The following SLC35F1 variants were observed in gnomAD, a reference collection of about 807,000 sequenced individuals.
SLC35F1 encodes the protein chromosome 6 open reading frame 169.
In SLC35F1, 14 loss-of-function variants were observed where a neutral mutation model predicts 48.7. The observed-to-expected ratio is 0.29, with a 90% confidence interval of 0.19 to 0.45. The LOEUF is 0.45. SLC35F1 is among the 20% of genes least tolerant of loss of function. The pLI is 1.00. For missense variants in SLC35F1, 404 were observed against 500.0 expected (o/e 0.81, Z 1.83); for synonymous variants, 190 against 202.2 (o/e 0.94, Z 0.51).
intron 1 of SLC35F1, among the ~76,000 whole-genome samples, chr6:118,073,383 A>T (rs1772770120): frequency 6.6e-6 from 1 of 152,224 alleles, no homozygotes; most frequent in African/African-American, 2.4e-5. Context: ...TCATTTGTAA[A>T]TAGGGTATAC....
In SLC35F1 at chr6:117,975,967, C is replaced by T. The variant is rs151099226; in HGVS notation, c.173+68068C>T. Among the ~76,000 whole-genome samples the T allele has an allele frequency of 5.4e-3, 817 of 152,296 alleles. 6 individuals carry two copies. Among genetic ancestry groups the T allele is most frequent in the African/African-American group, 0.019 (775 of 41,550 alleles). ...CGTCCTCCACTGTGATAACTTCCCA[C>T]GCAGTGGCAGTAGTACAGAACATTC... On this transcript the variant is annotated intron_variant, in intron 1 of 7. Transcript: ENST00000360388.
intron 1 of SLC35F1, among the ~76,000 whole-genome samples, chr6:118,022,104 G>C (rs1777403190): frequency 6.6e-6 from 1 of 152,102 alleles, no homozygotes; most frequent in South Asian, 2.1e-4. Context: ...ATTGCAAATG[G>C]GCATACATAC....
At chr6:117,947,375 A>C (rs994040209) in intron 1 of SLC35F1, among the ~76,000 whole-genome samples, 3 of 152,158 alleles carry the variant, frequency 2.0e-5, no homozygotes, top group African/African-American at 7.2e-5. Context: ...TAATTGGAGA[A>C]GGGCCCCGCA....
chr6:117,940,157 G>T (rs1206517008), intron 1 of SLC35F1, among the ~76,000 whole-genome samples: 1 of 152,134 alleles, frequency 6.6e-6, no homozygotes, highest in African/African-American at 2.4e-5. Flanking sequence ...ATACATAAGG[G>T]TCAATAGCTC....
chr6:118,295,332 T>C (rs913725479), intron 7 of SLC35F1, among the ~76,000 whole-genome samples: 2 of 152,206 alleles, frequency 1.3e-5, no homozygotes, highest in African/African-American at 4.8e-5. Context: ...ACTTTTTATT[T>C]ATAAGTGAAG....
At chr6:118,013,278 T>C (rs957486414) in intron 1 of SLC35F1, among the ~76,000 whole-genome samples, 2 of 152,292 alleles carry the variant, frequency 1.3e-5, no homozygotes, top group African/African-American at 4.8e-5. Context: ...GCCAGTTTTC[T>C]GTGTATATGA....
chr6:118,021,994 C>G (rs1777401936), intron 1 of SLC35F1, among the ~76,000 whole-genome samples: 1 of 152,158 alleles, frequency 6.6e-6, no homozygotes, highest in Non-Finnish European at 1.5e-5. Context: ...TGTCAAACTT[C>G]TGCCACATTT....
In SLC35F1 at chr6:118,314,377, A is replaced by C. The variant is rs1267236324; in HGVS notation, c.*125A>C. Reference sequence around the variant, plus strand: ...TACACAGGTGGACTGCAAGGTAGCAAATCCTCCAAAAGCTTGTGAAAGGAA... The same window carrying C: ...TACACAGGTGGACTGCAAGGTAGCACATCCTCCAAAAGCTTGTGAAAGGAA... On this transcript the variant is annotated 3_prime_UTR_variant, in exon 8 of 8. Transcript: ENST00000360388. 2 of 783,832 alleles carry C rather than the reference A, an allele frequency of 2.6e-6. No individual in the cohort carries two copies. The highest frequency in any genetic ancestry group is 4.1e-6 in the Non-Finnish European group (2 of 485,162). The allele number at this position is 783,832 out of a possible 1,614,324, so 48.6% of individuals were successfully genotyped here.
At chr6:118,247,734 T>C (rs1775526762) in intron 3 of SLC35F1, among the ~76,000 whole-genome samples, 1 of 147,672 alleles carries the variant, frequency 6.8e-6, no homozygotes, top group Admixed American at 6.6e-5. Context: ...TTAGAACCAA[T>C]GGACAAATTG....
intron 2 of SLC35F1, among the ~76,000 whole-genome samples, chr6:118,217,388 A>G (rs1459070524): frequency 1.3e-5 from 2 of 152,218 alleles, no homozygotes; most frequent in East Asian, 3.9e-4. Flanking sequence ...GAAAGGACAA[A>G]TAATATATGA....
chr6:118,071,781 G>A (rs757524128), intron 1 of SLC35F1, among the ~76,000 whole-genome samples: 1 of 152,114 alleles, frequency 6.6e-6, no homozygotes, highest in Non-Finnish European at 1.5e-5. Context: ...TATGGCTGAG[G>A]AGTCTGATGT....
At chr6:117,965,240 C>G (rs1470895972) in intron 1 of SLC35F1, among the ~76,000 whole-genome samples, 1 of 152,214 alleles carries the variant, frequency 6.6e-6, no homozygotes, top group Non-Finnish European at 1.5e-5. Context: ...ACCACCACTG[C>G]TTACCCTACA....
At chr6:118,100,572 G>C (rs1773242234) in intron 1 of SLC35F1, among the ~76,000 whole-genome samples, 1 of 152,164 alleles carries the variant, frequency 6.6e-6, no homozygotes, top group African/African-American at 2.4e-5. Flanking sequence ...GTGGCACATT[G>C]GCAAAGTCTA....
In SLC35F1 at chr6:118,275,557, C is replaced by T; in HGVS notation, c.736C>T (p.Arg246Ter). Residue 246 changes from arginine (R) to a stop codon, truncating the protein, a stop_gained, in exon 5 of 8, where the codon CGA becomes TGA. Transcript: ENST00000360388. LOFTEE classifies it high-confidence loss of function. Reference protein sequence around the residue: ...WEEYIIRTLSRVEFLGMIGLF... With the variant: ...WEEYIIRTLS The stretch of plus-strand genomic sequence containing the variant: ...AGAATACATCATCCGAACTCTGAGC[C>T]GAGTGGAATTCCTGGGAATGATTGG... 1 of 1,613,792 alleles carries T rather than the reference C, an allele frequency of 6.2e-7. No individual in the cohort carries two copies. The highest frequency in any genetic ancestry group is 8.5e-7 in the Non-Finnish European group (1 of 1,179,898).
chr6:117,991,465 A>G lies in SLC35F1; in HGVS notation c.173+83566A>G, dbSNP rs1400486823. On this transcript the variant is annotated intron_variant, in intron 1 of 7. Coordinates refer to ENST00000360388, the MANE Select transcript of SLC35F1 (RefSeq NM_001029858.4). Reference sequence around the variant, plus strand: ...TTTTGTAATTAAATTAGAGTACTGAACATGAAGTTTTTTTAAATCTTGATT... The same window carrying G: ...TTTTGTAATTAAATTAGAGTACTGAGCATGAAGTTTTTTTAAATCTTGATT... Among the ~76,000 whole-genome samples the G allele has an allele frequency of 2.0e-5, 3 of 152,212 alleles. No homozygotes were observed. In the South Asian group the frequency reaches 6.2e-4, roughly 32 times the overall value.
chr6:118,074,146 T>C (rs1772783672), intron 1 of SLC35F1, among the ~76,000 whole-genome samples: 1 of 152,206 alleles, frequency 6.6e-6, no homozygotes. Context: ...TGAGTTCCAG[T>C]TCACCTCTGT....
At chr6:118,213,422 A>G (rs1775033644) in intron 2 of SLC35F1, among the ~76,000 whole-genome samples, 1 of 152,190 alleles carries the variant, frequency 6.6e-6, no homozygotes, top group Admixed American at 6.5e-5. Context: ...AAATTCATAT[A>G]CTTTGGGGAG....
intron 1 of SLC35F1, among the ~76,000 whole-genome samples, chr6:118,027,643 G>A (rs1771978518): frequency 6.6e-6 from 1 of 151,982 alleles, no homozygotes; most frequent in South Asian, 2.1e-4. Context: ...TTTAAAAAAA[G>A]TTTGGATGGT....
At chr6:118,075,275 A>T (rs944671537) in intron 1 of SLC35F1, among the ~76,000 whole-genome samples, 7 of 152,206 alleles carry the variant, frequency 4.6e-5, no homozygotes, top group African/African-American at 1.7e-4. Context: ...TTCTTCAGTA[A>T]TTTTTATTAA....
Sources: allele counts gnomAD v4.1 joint callset (sites outside exome capture counted in the v4.1 genomes callset), GRCh38; gene constraint gnomAD v4.1.1; transcripts MANE v1.5; gene names NCBI Gene and HGNC (gene_info 2026-07-23, HGNC 2026-07-21).